OSBPL6: variants seen among roughly 807,000 people sequenced by gnomAD.
OSBPL6 encodes the protein oxysterol binding protein like 6, also known as oxysterol-binding protein-related protein 6.
In OSBPL6, 49 loss-of-function variants were observed where a neutral mutation model predicts 125.8. That is an observed-to-expected ratio of 0.39 (90% CI 0.31 to 0.49). The LOEUF is 0.49. Ranked by LOEUF, OSBPL6 falls within the 20% of genes least tolerant of loss-of-function variation. The pLI is 0.88. For synonymous variants in OSBPL6, 394 were observed against 391.8 expected (o/e 1.01, Z -0.07); for missense variants, 986 against 1,135.4 (o/e 0.87, Z 1.89).
chr2:178,312,444 G>T (rs368862276), intron 3 of OSBPL6, among the ~76,000 whole-genome samples: 1 of 146,240 alleles, frequency 6.8e-6, no homozygotes, highest in Admixed American at 6.9e-5. Flanking sequence ...AGGCATGAAC[G>T]ACCATGCCCA....
intron 1 of OSBPL6, among the ~76,000 whole-genome samples, chr2:178,206,093 G>A (rs1404218517): frequency 6.6e-6 from 1 of 152,068 alleles, no homozygotes; most frequent in African/African-American, 2.4e-5. Context: ...TTTTAATACT[G>A]TATTACACAG....
At chr2:178,338,644 C>T (rs1689920422) in intron 9 of OSBPL6, among the ~76,000 whole-genome samples, 1 of 152,202 alleles carries the variant, frequency 6.6e-6, no homozygotes, top group African/African-American at 2.4e-5. Context: ...AGCAGGTAGA[C>T]AAGCTCCTAA....
At chr2:178,202,672 A>G (rs780663958) in intron 1 of OSBPL6, among the ~76,000 whole-genome samples, 4 of 152,070 alleles carry the variant, frequency 2.6e-5, no homozygotes, top group Non-Finnish European at 4.4e-5. Context: ...AAATACAAAA[A>G]TTGGCCGGGC....
At chr2:178,304,877 G>A (rs13389458) in intron 2 of OSBPL6, among the ~76,000 whole-genome samples, 3,050 of 152,226 alleles carry the variant, frequency 0.02, 103 homozygotes, top group African/African-American at 0.07. Flanking sequence ...TTAGTAAACC[G>A]CTCATTCTTT....
At chr2:178,348,094 C>G (rs1690898296) in intron 11 of OSBPL6, among the ~76,000 whole-genome samples, 1 of 152,128 alleles carries the variant, frequency 6.6e-6, no homozygotes, top group Non-Finnish European at 1.5e-5. Flanking sequence ...AAAAAGTGCC[C>G]TCTTCTCCTT....
chr2:178,216,269 A>G (rs2090089294), intron 1 of OSBPL6, among the ~76,000 whole-genome samples: 1 of 152,220 alleles, frequency 6.6e-6, no homozygotes, highest in African/African-American at 2.4e-5. Context: ...GTGTTGTCTT[A>G]TAACTCCCAA....
chr2:178,341,583 C>A (rs1044814290), intron 11 of OSBPL6, among the ~76,000 whole-genome samples: 1 of 152,068 alleles, frequency 6.6e-6, no homozygotes, highest in Non-Finnish European at 1.5e-5. Context: ...ATAAAATGGC[C>A]TTTGTAATTC....
intron 1 of OSBPL6, among the ~76,000 whole-genome samples, chr2:178,218,130 T>G (rs2090165495): frequency 6.6e-6 from 1 of 152,202 alleles, no homozygotes; most frequent in African/African-American, 2.4e-5. Context: ...CAAAAAAGTT[T>G]TAATTTCCTT....
chr2:178,309,115 C>T (rs1335151389), intron 3 of OSBPL6, among the ~76,000 whole-genome samples: 1 of 152,112 alleles, frequency 6.6e-6, no homozygotes, highest in East Asian at 1.9e-4. Context: ...ATTCCCACCA[C>T]CCTCCTCTCA....
At chr2:178,378,206 C>T (rs772999102) in intron 15 of OSBPL6, among the ~76,000 whole-genome samples, 10 of 151,996 alleles carry the variant, frequency 6.6e-5, no homozygotes, top group Non-Finnish European at 1.2e-4. Flanking sequence ...ATATATATTT[C>T]CTATATTTCA....
chr2:178,361,528 A>C (rs1362237606), intron 12 of OSBPL6, among the ~76,000 whole-genome samples, 154 bp from the exon 13 acceptor site: 1 of 152,226 alleles, frequency 6.6e-6, no homozygotes, highest in Non-Finnish European at 1.5e-5. Flanking sequence ...ATATCCTGAT[A>C]AAGATTCCTT....
intron 1 of OSBPL6, among the ~76,000 whole-genome samples, chr2:178,232,911 G>A (rs1198531493): frequency 1.3e-5 from 2 of 152,158 alleles, no homozygotes; most frequent in Non-Finnish European, 2.9e-5. Context: ...TCCTGTCTCT[G>A]AGAAACACTT....
chr2:178,337,272 A>G (rs1013955650), intron 9 of OSBPL6, among the ~76,000 whole-genome samples: 1 of 152,198 alleles, frequency 6.6e-6, no homozygotes, highest in Non-Finnish European at 1.5e-5. Flanking sequence ...TTATAAAATT[A>G]TAATAAAAGT....
chr2:178,280,421 G>A (rs894099221), intron 1 of OSBPL6, among the ~76,000 whole-genome samples: 2 of 152,162 alleles, frequency 1.3e-5, no homozygotes, highest in African/African-American at 2.4e-5. Flanking sequence ...TGAACCATGT[G>A]TTAATAGTGT....
intron 1 of OSBPL6, among the ~76,000 whole-genome samples, chr2:178,261,971 T>A (rs928340463): frequency 6.6e-6 from 1 of 152,216 alleles, no homozygotes; most frequent in Non-Finnish European, 1.5e-5. Context: ...TCACCATTTT[T>A]GTCAGATTTC....
At chr2:178,266,515 G>T (rs753043984) in intron 1 of OSBPL6, among the ~76,000 whole-genome samples, 1 of 152,192 alleles carries the variant, frequency 6.6e-6, no homozygotes, top group Non-Finnish European at 1.5e-5. Flanking sequence ...CGGGCTTGTG[G>T]TTGATCAGCT....
At chr2:178,365,551 C>T (rs1295487545) in intron 13 of OSBPL6, among the ~76,000 whole-genome samples, 1 of 152,026 alleles carries the variant, frequency 6.6e-6, no homozygotes, top group African/African-American at 2.4e-5. Flanking sequence ...TGGCAGGTGC[C>T]TGTAATCCCA....
At chr2:178,194,118 G>A (rs2088687594), upstream of OSBPL6, among the ~76,000 whole-genome samples, 1 of 152,232 alleles carries the variant, frequency 6.6e-6, no homozygotes, top group Admixed American at 6.5e-5. Context: ...AGCGCGGCCG[G>A]CTCACCTCCG....
chr2:178,299,086 T>A (rs1016228650), intron 2 of OSBPL6, among the ~76,000 whole-genome samples: 2 of 152,226 alleles, frequency 1.3e-5, no homozygotes, highest in African/African-American at 4.8e-5. Context: ...CCCAGTATTA[T>A]TTTTCTGTTA....
Sources: gnomAD v4.1 joint callset for allele counts (sites outside exome capture counted in the v4.1 genomes callset) on GRCh38, gnomAD v4.1.1 for gene constraint, MANE v1.5 for transcripts, NCBI Gene and HGNC (gene_info 2026-07-23, HGNC 2026-07-21) for gene names.